Variants in VWA8 observed in about 807,000 individuals in gnomAD.
The protein encoded by VWA8 is von Willebrand factor A domain containing 8.
VWA8 carries 221 observed loss-of-function variants against 241.5 expected under a neutral mutation model. The observed-to-expected ratio is 0.91, with a 90% CI of 0.82 to 1.02. The LOEUF (loss-of-function observed/expected upper bound fraction) is 1.02, where lower values mean the gene tolerates loss of function less well. VWA8 is among the 50% of genes least tolerant of loss of function. VWA8 has a pLI of 0.00. For synonymous variants in VWA8, 852 were observed against 827.1 expected (o/e 1.03, Z -0.52); for missense variants, 2,322 against 2,328.7 (o/e 1.00, Z 0.06).
intron 2 of VWA8, among the ~76,000 whole-genome samples, chr13:41,949,031 T>TAAAAA (rs35506856): frequency 0.052 from 3,300 of 63,324 alleles, 67 homozygotes; most frequent in Non-Finnish European, 0.067. Flanking sequence ...TCTACCATCA[T>TAAAAA]AAAAAAAAAA....
chr13:41,725,715 A>T (rs2045427647), intron 24 of VWA8, among the ~76,000 whole-genome samples: 1 of 152,210 alleles, frequency 6.6e-6, no homozygotes, highest in Admixed American at 6.5e-5. Flanking sequence ...GAGTATTCTT[A>T]CAGGCATTAA....
At chr13:41,590,114 C>T (rs1321003369) in intron 41 of VWA8, among the ~76,000 whole-genome samples, 5 of 152,138 alleles carry the variant, frequency 3.3e-5, no homozygotes, top group Non-Finnish European at 7.4e-5. Context: ...CCAGTGGGTT[C>T]TGCTCATGGG....
intron 38 of VWA8, among the ~76,000 whole-genome samples, chr13:41,613,594 G>C (rs1413555149): frequency 6.6e-6 from 1 of 152,172 alleles, no homozygotes; most frequent in Admixed American, 6.5e-5. Flanking sequence ...CTGAGTCGCA[G>C]GGCCCCAGGC....
At chr13:41,621,608 C>T (rs1168556984) in intron 37 of VWA8, among the ~76,000 whole-genome samples, 1 of 152,168 alleles carries the variant, frequency 6.6e-6, no homozygotes, top group Non-Finnish European at 1.5e-5. Flanking sequence ...TCCTATGTGT[C>T]TACTAACTTT....
At chr13:41,696,061 T>C (rs1377859900) in intron 29 of VWA8, 1 of 152,204 alleles carries the variant, frequency 6.6e-6, no homozygotes, top group Non-Finnish European at 1.5e-5. Context: ...CACCAAGATA[T>C]CATGTACCTT....
chr13:41,845,377 T>A (rs1872244508), intron 12 of VWA8, among the ~76,000 whole-genome samples: 2 of 152,134 alleles, frequency 1.3e-5, no homozygotes, highest in Non-Finnish European at 2.9e-5. Context: ...TTTGTGGGAA[T>A]GTTAGTTCAG....
At position 41,656,940 on chromosome 13, in the gene VWA8, C is replaced by T. The variant is rs570502514; in HGVS notation, c.4611+14006G>A. ...CTCCCCTCCCATCCTTATTTCCTAA[C>T]TTCATGTTTCAGGTGTGACTGATTC... On this transcript the variant is annotated intron_variant, in intron 37 of 44. Coordinates refer to ENST00000379310, the MANE Select transcript of VWA8 (RefSeq NM_015058.2). Among the ~76,000 whole-genome samples the T allele has an allele frequency of 3.5e-4, 54 of 152,330 alleles. 2 individuals are homozygous for T. Among genetic ancestry groups the T allele is most frequent in the African/African-American group, 1.3e-3 (54 of 41,570 alleles).
At chr13:41,670,896 T>C (rs1195544411) in intron 37 of VWA8, 50 bp downstream of exon 37, 3 of 1,597,862 alleles carry the variant, frequency 1.9e-6, no homozygotes, top group South Asian at 1.1e-5. Context: ...TGGAACTAAA[T>C]TTATACTTGA....
intron 2 of VWA8, among the ~76,000 whole-genome samples, chr13:41,945,761 T>A (rs1020650190): frequency 2.0e-5 from 3 of 151,642 alleles, no homozygotes; most frequent in African/African-American, 7.3e-5. Flanking sequence ...ATGAACTGAG[T>A]CTCACAGACT....
At chr13:41,925,889 G>A in intron 2 of VWA8, 1 of 363,056 alleles carries the variant, frequency 2.8e-6, no homozygotes, top group Non-Finnish European at 5.5e-6. Context: ...ACCCACACAA[G>A]TTCCATGCAG....
chr13:41,665,722 T>C (rs2044981594), intron 37 of VWA8, among the ~76,000 whole-genome samples: 1 of 152,146 alleles, frequency 6.6e-6, no homozygotes, highest in Non-Finnish European at 1.5e-5. Context: ...GTTTTCTTTA[T>C]ACTTTAATAT....
chr13:41,616,798 T>G (rs191309775), intron 37 of VWA8, among the ~76,000 whole-genome samples: 1 of 152,196 alleles, frequency 6.6e-6, no homozygotes, highest in South Asian at 2.1e-4. Context: ...TAAATAGCCA[T>G]GTGTGCCACT....
chr13:41,636,171 C>A (rs2044755436), intron 37 of VWA8, among the ~76,000 whole-genome samples: 1 of 152,110 alleles, frequency 6.6e-6, no homozygotes, highest in Non-Finnish European at 1.5e-5. Context: ...CATCATGCTA[C>A]CTGACTTCAA....
intron 40 of VWA8, among the ~76,000 whole-genome samples, chr13:41,598,933 T>C (rs141678726): frequency 3.3e-5 from 5 of 152,202 alleles, no homozygotes; most frequent in East Asian, 3.9e-4. Context: ...TTTTGATCCA[T>C]AGACTTAGGC....
intron 37 of VWA8, among the ~76,000 whole-genome samples, chr13:41,623,387 T>A (rs2044669665): frequency 6.6e-6 from 1 of 152,172 alleles, no homozygotes; most frequent in South Asian, 2.1e-4. Context: ...AAGTAAATAA[T>A]ACATGTCCTT....
intron 39 of VWA8, among the ~76,000 whole-genome samples, chr13:41,610,567 T>C (rs1172891008): frequency 6.6e-6 from 1 of 152,002 alleles, no homozygotes; most frequent in East Asian, 1.9e-4. Flanking sequence ...GTCTCTATTG[T>C]CCTGTACTGT....
At chr13:41,569,177 A>G (rs1183924489) in intron 44 of VWA8, among the ~76,000 whole-genome samples, 1 of 152,254 alleles carries the variant, frequency 6.6e-6, no homozygotes, top group Non-Finnish European at 1.5e-5. Context: ...TAATTCTGCA[A>G]CATATCTTTT....
chr13:41,926,095 A>G, intron 2 of VWA8: 1 of 511,772 alleles, frequency 2.0e-6, no homozygotes, highest in Non-Finnish European at 3.6e-6. Flanking sequence ...AAATCAGAAG[A>G]ATTTATTCAT....
rs758943957 is a variant in VWA8, at chr13:41,907,640, A to T, written c.429T>A (p.Thr143=). Residue 143 remains threonine (T), a synonymous_variant, in exon 4 of 45, where the codon ACT becomes ACA. Transcript: ENST00000379310. Reference sequence around the variant, plus strand: ...GGATCTCTCGTCGCTGTTTGAGATCAGTTTCAGTGGTGTCCCTTGACAGGG... The same window carrying T: ...GGATCTCTCGTCGCTGTTTGAGATCTGTTTCAGTGGTGTCCCTTGACAGGG... ...YIALSRDTTE[T]DLKQRREIRA... 1.2e-6 allele frequency: 2 copies of T among 1,614,058 alleles called. No individual in the cohort carries two copies. Among genetic ancestry groups the T allele is most frequent in the African/African-American group, 2.7e-5 (2 of 74,932 alleles).
Sources: allele counts gnomAD v4.1 joint callset (sites outside exome capture counted in the v4.1 genomes callset), GRCh38; gene constraint gnomAD v4.1.1; transcripts MANE v1.5; gene names NCBI Gene and HGNC (gene_info 2026-07-23, HGNC 2026-07-21).